FSTL5: variants seen among roughly 807,000 people sequenced by gnomAD.
The protein encoded by FSTL5 is follistatin like 5.
FSTL5 carries 62 observed loss-of-function variants against 89.1 expected under a neutral mutation model. That is an observed-to-expected ratio of 0.70 (90% CI 0.57 to 0.86). The LOEUF is 0.86. Ranked by LOEUF, FSTL5 falls within the 40% of genes least tolerant of loss-of-function variation. The pLI, the probability that FSTL5 is intolerant of heterozygous loss-of-function variation, is 0.00. For synonymous variants in FSTL5, 383 were observed against 346.2 expected, an observed-to-expected ratio of 1.11 and a Z score of -1.18; for missense variants, 1,057 against 1,001.6, an observed-to-expected ratio of 1.06 and a Z score of -0.75.
At position 161,850,416 on chromosome 4, in the gene FSTL5, C is replaced by A. The variant is rs189848507; in HGVS notation, c.409+69988G>T. ...GGAGTAGCCATTCAGCATGATAAGACAAGGTACTGAAAATTGCTTTTTAGC... is the reference window on the plus strand; with the variant it reads ...GGAGTAGCCATTCAGCATGATAAGAAAAGGTACTGAAAATTGCTTTTTAGC... On this transcript the variant is annotated intron_variant, in intron 4 of 15. Coordinates refer to ENST00000306100, the MANE Select transcript of FSTL5 (RefSeq NM_020116.5). Among the ~76,000 whole-genome samples the A allele has an allele frequency of 1.4e-3, 215 of 152,252 alleles. 3 individuals carry two copies. The highest frequency in any genetic ancestry group is 5.0e-3 in the African/African-American group (209 of 41,554).
intron 4 of FSTL5, among the ~76,000 whole-genome samples, chr4:161,787,527 G>A (rs373413152): frequency 6.6e-6 from 1 of 152,126 alleles, no homozygotes; most frequent in Non-Finnish European, 1.5e-5. Context: ...AATGAAGATG[G>A]TTTAGTCATT....
chr4:161,906,743 T>G (rs1039760417), intron 4 of FSTL5, among the ~76,000 whole-genome samples: 2 of 152,142 alleles, frequency 1.3e-5, no homozygotes, highest in African/African-American at 4.8e-5. Context: ...TACGATAATG[T>G]CCAGATGTCT....
chr4:161,388,926 T>A (rs1309703596), intron 15 of FSTL5, among the ~76,000 whole-genome samples: 2 of 152,170 alleles, frequency 1.3e-5, no homozygotes, highest in South Asian at 2.1e-4. Context: ...ATTAAAAATT[T>A]AAAAAAATGG....
chr4:161,797,967 A>G (rs932398324), intron 4 of FSTL5, among the ~76,000 whole-genome samples: 7 of 151,636 alleles, frequency 4.6e-5, no homozygotes, highest in African/African-American at 1.7e-4. Flanking sequence ...TACATCATGG[A>G]AAGAGTAATG....
chr4:162,150,893 G>A (rs1733200530), intron 1 of FSTL5, among the ~76,000 whole-genome samples: 1 of 152,098 alleles, frequency 6.6e-6, no homozygotes, highest in Non-Finnish European at 1.5e-5. Flanking sequence ...CATAAAAACT[G>A]CATGCCAAAT....
intron 4 of FSTL5, among the ~76,000 whole-genome samples, chr4:161,809,286 T>C (rs2126837541): frequency 1.3e-5 from 2 of 152,238 alleles, no homozygotes; most frequent in East Asian, 3.9e-4. Context: ...ATTAGAATTC[T>C]ATGAGGATGA....
chr4:162,130,932 A>G (rs1732279368), intron 1 of FSTL5, among the ~76,000 whole-genome samples: 1 of 152,136 alleles, frequency 6.6e-6, no homozygotes, highest in South Asian at 2.1e-4. Context: ...TAACACATTG[A>G]ACATATTAGA....
rs377038430 is a variant in FSTL5, at chr4:161,587,539, C to A, written c.931G>T (p.Val311Phe). 2 of 1,611,124 alleles carry A rather than the reference C, an allele frequency of 1.2e-6. No individual in the cohort carries two copies. The highest frequency in any genetic ancestry group is 1.7e-6 in the Non-Finnish European group (2 of 1,177,780). Residue 311 changes from valine to phenylalanine, a missense_variant, in exon 8 of 16, where the codon GTT becomes TTT. By Grantham distance (50) the Val-to-Phe change is conservative. This residue lies in a region of FSTL5 where 980 missense variants were observed against 903.2 expected (regional missense o/e 1.08). Coordinates refer to ENST00000306100, the MANE Select transcript of FSTL5 (RefSeq NM_020116.5). ...GDDGSLYITKVTTTHVGNYTC... is the reference protein window; with the variant it reads ...GDDGSLYITKFTTTHVGNYTC... Reference sequence around the variant, plus strand: ...TAATTGCCAACGTGAGTTGTGGTAACCTTAGTAATATACAAGGACCCATCA... The same window carrying A: ...TAATTGCCAACGTGAGTTGTGGTAAACTTAGTAATATACAAGGACCCATCA...
At chr4:161,470,757 T>G (rs894358014) in intron 13 of FSTL5, among the ~76,000 whole-genome samples, 3 of 152,170 alleles carry the variant, frequency 2.0e-5, no homozygotes, top group Non-Finnish European at 4.4e-5. Context: ...TATATCTCCT[T>G]TAATTTCTTT....
chr4:161,422,744 C>G (rs1478885183), intron 15 of FSTL5, among the ~76,000 whole-genome samples: 1 of 149,562 alleles, frequency 6.7e-6, no homozygotes, highest in Non-Finnish European at 1.5e-5. Context: ...AGGGAGTTTG[C>G]TTTATTTTTC....
intron 7 of FSTL5, among the ~76,000 whole-genome samples, chr4:161,601,329 G>GAA (rs35261391): frequency 0.062 from 6,672 of 107,334 alleles, 419 homozygotes; most frequent in African/African-American, 0.12. Flanking sequence ...TAAATAGTTG[G>GAA]AAAAAAAAAA....
At chr4:161,824,223 T>G (rs1277564510) in intron 4 of FSTL5, among the ~76,000 whole-genome samples, 1 of 152,230 alleles carries the variant, frequency 6.6e-6, no homozygotes, top group African/African-American at 2.4e-5. Flanking sequence ...TTCATTCTTC[T>G]ACATGTAGCT....
rs70937698 is a variant in FSTL5, at chr4:161,947,142, ATGTG to A, written c.161-26494_161-26491del. Among the ~76,000 whole-genome samples the A allele has an allele frequency of 4.0e-3, 597 of 148,566 alleles. 6 individuals carry two copies. The highest frequency in any genetic ancestry group is 0.014 in the African/African-American group (551 of 39,820). ...AGATATTTGTGGGGTGTGTGTGTGT[ATGTG>A]TGTGTGTGTGTGTGTGCATCTTACT... On this transcript the variant is annotated intron_variant, in intron 3 of 15. Coordinates refer to ENST00000306100, the MANE Select transcript of FSTL5 (RefSeq NM_020116.5).
At chr4:162,121,592 G>C (rs2111433852) in intron 1 of FSTL5, among the ~76,000 whole-genome samples, 1 of 152,112 alleles carries the variant, frequency 6.6e-6, no homozygotes, top group South Asian at 2.1e-4. Context: ...CTGTATCATG[G>C]TGTAAAATGA....
At chr4:161,515,314 C>T (rs1730783366) in intron 10 of FSTL5, among the ~76,000 whole-genome samples, 2 of 152,078 alleles carry the variant, frequency 1.3e-5, no homozygotes, top group South Asian at 4.1e-4. Flanking sequence ...TCTCCTGCCT[C>T]AGCCTCCCAA....
At chr4:161,504,095 T>TGCA (rs762087980) in intron 11 of FSTL5, among the ~76,000 whole-genome samples, 6 of 151,972 alleles carry the variant, frequency 3.9e-5, no homozygotes, top group Non-Finnish European at 8.8e-5. Context: ...TAAACAATGT[T>TGCA]TTACCTTTTA....
At chr4:161,645,062 T>G (rs925189237) in intron 7 of FSTL5, among the ~76,000 whole-genome samples, 1 of 152,046 alleles carries the variant, frequency 6.6e-6, no homozygotes, top group Non-Finnish European at 1.5e-5. Flanking sequence ...TTTTGCATAT[T>G]CAAATAAAAA....
intron 8 of FSTL5, among the ~76,000 whole-genome samples, chr4:161,583,105 G>A (rs775824183): frequency 2.2e-4 from 34 of 152,176 alleles, no homozygotes; most frequent in Non-Finnish European, 3.8e-4. Flanking sequence ...GGGAGGCTGA[G>A]GCAGAGAATT....
Position 161,431,045 on chromosome 4 carries a change from C to CA in FSTL5, c.1841+23958dup, listed in dbSNP as rs532009592. Among the ~76,000 whole-genome samples the CA allele has an allele frequency of 5.9e-5, 9 of 152,142 alleles. No homozygotes were observed. In the South Asian group the frequency reaches 1.5e-3, roughly 25 times the overall value. On this transcript the variant is annotated intron_variant, in intron 15 of 15. Coordinates refer to ENST00000306100, the MANE Select transcript of FSTL5 (RefSeq NM_020116.5). ...TTTAATCAACATCAGACCTGCCCTACAAAAAATGTTAAAGACAGTTATCTG... is the reference window on the plus strand; with the variant it reads ...TTTAATCAACATCAGACCTGCCCTACAAAAAAATGTTAAAGACAGTTATCTG...
Sources: allele counts gnomAD v4.1 joint callset (sites outside exome capture counted in the v4.1 genomes callset), GRCh38; gene constraint gnomAD v4.1.1; regional missense constraint gnomAD v4.1.1; transcripts MANE v1.5; gene names NCBI Gene and HGNC (gene_info 2026-07-23, HGNC 2026-07-21).